WDR49: variants seen among roughly 807,000 people sequenced by gnomAD.
The protein encoded by WDR49 is WD repeat domain 49.
Under a neutral mutation model 119.5 loss-of-function variants are expected in WDR49, and 107 were observed. That is an observed-to-expected ratio of 0.90 (90% CI 0.77 to 1.05). The LOEUF (loss-of-function observed/expected upper bound fraction) is 1.05, where lower values mean the gene tolerates loss of function less well. Ranked by LOEUF, WDR49 falls within the 50% of genes least tolerant of loss-of-function variation. The pLI, the probability that WDR49 is intolerant of heterozygous loss-of-function variation, is 0.00. For missense variants in WDR49, 1,240 were observed against 1,220.5 expected, an observed-to-expected ratio of 1.02 and a Z score of -0.24; for synonymous variants, 425 against 418.8, an observed-to-expected ratio of 1.01 and a Z score of -0.18.
chr3:167,544,065 CAA>C (rs201464799), intron 10 of WDR49, among the ~76,000 whole-genome samples: 1 of 143,914 alleles, frequency 6.9e-6, no homozygotes. Flanking sequence ...AAGACAGCTG[CAA>C]AAAAAAAAAG....
chr3:167,587,611 G>A (rs756889562), intron 7 of WDR49, among the ~76,000 whole-genome samples: 5 of 151,768 alleles, frequency 3.3e-5, no homozygotes, highest in African/African-American at 7.3e-5. Context: ...TCAGCCTTTC[G>A]GGTAGCTGGG....
chr3:167,542,248 A>G (rs1035966813), intron 10 of WDR49, among the ~76,000 whole-genome samples: 1 of 152,312 alleles, frequency 6.6e-6, no homozygotes, highest in Middle Eastern at 3.4e-3. Context: ...AAGTCAACAA[A>G]GAAACAATCG....
At chr3:167,657,302 T>C (rs1005207157), upstream of WDR49, among the ~76,000 whole-genome samples, 1 of 152,354 alleles carries the variant, frequency 6.6e-6, no homozygotes, top group Admixed American at 6.5e-5. Flanking sequence ...CTTATATTCT[T>C]TTTGTCTTAG....
At chr3:167,614,050 A>G (rs942333484) in intron 5 of WDR49, among the ~76,000 whole-genome samples, 1 of 152,114 alleles carries the variant, frequency 6.6e-6, no homozygotes, top group Non-Finnish European at 1.5e-5. Context: ...TAAAATATCA[A>G]TGATTTTTGT....
chr3:167,525,390 C>G (rs752740816), intron 15 of WDR49, among the ~76,000 whole-genome samples: 18 of 152,112 alleles, frequency 1.2e-4, no homozygotes, highest in Non-Finnish European at 1.9e-4. Context: ...TATTTGAATA[C>G]CCTTTATTTC....
intron 16 of WDR49, among the ~76,000 whole-genome samples, chr3:167,519,642 G>A (rs543863128): frequency 2.0e-5 from 3 of 152,190 alleles, no homozygotes; most frequent in Non-Finnish European, 2.9e-5. Flanking sequence ...CCAGGGGTGG[G>A]GGATGGGGGA....
At chr3:167,481,943 G>C (rs558450600) in intron 18 of WDR49, among the ~76,000 whole-genome samples, 2 of 152,202 alleles carry the variant, frequency 1.3e-5, no homozygotes, top group African/African-American at 4.8e-5. Context: ...CAGTACTTAA[G>C]AAAGAAAACC....
At chr3:167,558,269 A>G (rs1383414711) in intron 9 of WDR49, among the ~76,000 whole-genome samples, 1 of 152,220 alleles carries the variant, frequency 6.6e-6, no homozygotes, top group Non-Finnish European at 1.5e-5. Context: ...GCACACATTA[A>G]TTATTCAAAA....
At chr3:167,488,920 GT>G (rs1396680692) in intron 18 of WDR49, among the ~76,000 whole-genome samples, 1 of 151,964 alleles carries the variant, frequency 6.6e-6, no homozygotes, top group East Asian at 1.9e-4. Context: ...TTTTATACTT[GT>G]TTCCTGTGCT....
At chr3:167,605,103 TACACACACAC>T (rs147965737) in intron 5 of WDR49, among the ~76,000 whole-genome samples, 1 of 147,050 alleles carries the variant, frequency 6.8e-6, no homozygotes, top group African/African-American at 2.5e-5. Flanking sequence ...TGTATATATA[TACACACACAC>T]ACACACACAC....
At chr3:167,630,726 G>A (rs1467106257) in intron 2 of WDR49, among the ~76,000 whole-genome samples, 1 of 152,108 alleles carries the variant, frequency 6.6e-6, no homozygotes, top group Non-Finnish European at 1.5e-5. Flanking sequence ...AGCAGATACT[G>A]AACCATTGTT....
intron 7 of WDR49, among the ~76,000 whole-genome samples, chr3:167,596,063 A>C (rs1423562744): frequency 2.0e-5 from 3 of 147,322 alleles, no homozygotes; most frequent in Non-Finnish European, 3.0e-5. Flanking sequence ...GGCGAAGGAC[A>C]TGAACAGACA....
At chr3:167,569,252 T>C (rs1170351035) in intron 8 of WDR49, among the ~76,000 whole-genome samples, 1 of 152,204 alleles carries the variant, frequency 6.6e-6, no homozygotes, top group Admixed American at 6.5e-5. Context: ...TGTATTACAG[T>C]TAATTTTACA....
At chr3:167,619,215 ATG>A (rs1400375252) in intron 5 of WDR49, among the ~76,000 whole-genome samples, 8 of 152,170 alleles carry the variant, frequency 5.3e-5, no homozygotes, top group Admixed American at 4.6e-4. Context: ...TCTTTGGCAT[ATG>A]TATCTAAAAA....
intron 2 of WDR49, among the ~76,000 whole-genome samples, chr3:167,646,892 A>G (rs1216963442): frequency 6.6e-6 from 1 of 151,968 alleles, no homozygotes; most frequent in Admixed American, 6.6e-5. Context: ...GGGAGAAAAG[A>G]CCCCAAGGGG....
chr3:167,485,668 A>G (rs1038331374), intron 18 of WDR49, among the ~76,000 whole-genome samples: 2 of 152,132 alleles, frequency 1.3e-5, no homozygotes, highest in Non-Finnish European at 2.9e-5. Context: ...AAACCTCAGC[A>G]CTCAAAGACT....
At chr3:167,579,546 G>A (rs1228941530) in intron 7 of WDR49, among the ~76,000 whole-genome samples, 21 of 152,002 alleles carry the variant, frequency 1.4e-4, no homozygotes. Flanking sequence ...GTCTCTACTT[G>A]GTAAACCACA....
At chr3:167,627,422 C>G (rs1250916707) in intron 2 of WDR49, 130 bp from the exon 3 acceptor site, 3 of 895,176 alleles carry the variant, frequency 3.4e-6, no homozygotes, top group African/African-American at 1.7e-5. Context: ...ATATTTTTTG[C>G]TTCATAACAG....
At chr3:167,547,685 T>C (rs1213219932) in intron 10 of WDR49, among the ~76,000 whole-genome samples, 1 of 151,274 alleles carries the variant, frequency 6.6e-6, no homozygotes, top group African/African-American at 2.4e-5. Context: ...TTTAAAATAT[T>C]TATTTGCTTA....
Sources: gnomAD v4.1 joint callset for allele counts (sites outside exome capture counted in the v4.1 genomes callset) on GRCh38, gnomAD v4.1.1 for gene constraint, MANE v1.5 for transcripts, NCBI Gene and HGNC (gene_info 2026-07-23, HGNC 2026-07-21) for gene names.